TAF3: variants seen among roughly 807,000 people sequenced by gnomAD.
TAF3 encodes the protein transcription initiation factor TFIID subunit 3.
Under a neutral mutation model 80.6 loss-of-function variants are expected in TAF3, and 7 were observed. The observed-to-expected ratio is 0.09, with a 90% confidence interval of 0.05 to 0.16. The LOEUF is 0.16. TAF3 is among the 10% of genes least tolerant of loss of function. The pLI is 1.00. For missense variants in TAF3, 921 were observed against 1,140.2 expected (o/e 0.81, Z 2.77); for synonymous variants, 444 against 446.1 (o/e 1.00, Z 0.06).
In TAF3 at chr10:7,863,710, T is replaced by TATATATATACACATATATATATACAC. The variant is rs1329730256; in HGVS notation, c.409+39160_409+39185dup. On this transcript the variant is annotated intron_variant, in intron 2 of 6. Coordinates refer to ENST00000344293, the MANE Select transcript of TAF3 (RefSeq NM_031923.4). ...ACACACACATATATATATATACACA[T>TATATATATACACATATATATATACAC]ATATATATACACATATATATATACA... 6.6e-5 allele frequency among the ~76,000 whole-genome samples: 7 copies of TATATATATACACATATATATATACAC among 105,578 alleles called. 1 individual carries two copies. Among genetic ancestry groups the TATATATATACACATATATATATACAC allele is most frequent in the Admixed American group, 3.6e-4 (3 of 8,430 alleles). 69.3% of individuals were successfully genotyped at this position (105,578 alleles called of 152,430 possible).
rs147495664 is a variant in TAF3 at position 7,982,634 on chromosome 10, C to T, written c.2315+5311C>T. Among the ~76,000 whole-genome samples, 197 of 152,250 alleles carry T rather than the reference C, an allele frequency of 1.3e-3. 2 individuals carry two copies. In the East Asian group the frequency reaches 0.021, roughly 16 times the overall value. On this transcript the variant is annotated intron_variant, in intron 4 of 6. Coordinates refer to ENST00000344293, the MANE Select transcript of TAF3 (RefSeq NM_031923.4). ...AGACTGGTCTCAAACTCCTAACCTC[C>T]GGTGATCCACCTGCCTTGGCTTCCC...
chr10:7,856,261 A>G (rs993935140), intron 2 of TAF3, among the ~76,000 whole-genome samples: 1 of 152,184 alleles, frequency 6.6e-6, no homozygotes. Flanking sequence ...GGATCACTTG[A>G]GGTCAGGAGT....
intron 2 of TAF3, among the ~76,000 whole-genome samples, chr10:7,850,778 A>T (rs988785314): frequency 6.6e-6 from 1 of 152,188 alleles, no homozygotes; most frequent in Admixed American, 6.5e-5. Flanking sequence ...AATATTTAAG[A>T]GAGAAAAGTT....
At chr10:7,881,094 G>T (rs1837356744) in intron 2 of TAF3, among the ~76,000 whole-genome samples, 1 of 152,050 alleles carries the variant, frequency 6.6e-6, no homozygotes, top group Non-Finnish European at 1.5e-5. Flanking sequence ...AAATTAGCCA[G>T]GTGTGGTGGT....
intron 2 of TAF3, among the ~76,000 whole-genome samples, chr10:7,885,072 T>C (rs1255459513): frequency 6.6e-6 from 1 of 151,512 alleles, no homozygotes; most frequent in African/African-American, 2.4e-5. Context: ...GGGCTGAGGG[T>C]GGGGAATGGA....
intron 2 of TAF3, among the ~76,000 whole-genome samples, chr10:7,864,694 T>G (rs1366362766): frequency 6.6e-6 from 1 of 152,230 alleles, no homozygotes; most frequent in East Asian, 1.9e-4. Flanking sequence ...TTACCTATCC[T>G]GGTCATCAGT....
chr10:7,967,315 T>C (rs1196832128), intron 3 of TAF3, among the ~76,000 whole-genome samples: 1 of 152,218 alleles, frequency 6.6e-6, no homozygotes, highest in Non-Finnish European at 1.5e-5. Context: ...ATCTTCACTT[T>C]GGAAAGTCAG....
At chr10:7,819,180 T>C (rs1836663975) in intron 1 of TAF3, among the ~76,000 whole-genome samples, 1 of 152,112 alleles carries the variant, frequency 6.6e-6, no homozygotes, top group Admixed American at 6.5e-5. Context: ...CATTGTCTCC[T>C]GTTTGCTGCG....
At chr10:7,967,310 C>G (rs1342529605) in intron 3 of TAF3, among the ~76,000 whole-genome samples, 1 of 152,230 alleles carries the variant, frequency 6.6e-6, no homozygotes, top group Non-Finnish European at 1.5e-5. Context: ...CCACCATCTT[C>G]ACTTTGGAAA....
chr10:7,822,805 A>C (rs1836702942), intron 1 of TAF3, among the ~76,000 whole-genome samples: 1 of 152,268 alleles, frequency 6.6e-6, no homozygotes, highest in Non-Finnish European at 1.5e-5. Context: ...GAATTTTCAT[A>C]GACATTTTTA....
chr10:7,888,562 T>C (rs1017563180), intron 2 of TAF3, among the ~76,000 whole-genome samples: 3 of 152,054 alleles, frequency 2.0e-5, no homozygotes, highest in African/African-American at 7.2e-5. Flanking sequence ...CATTCACTCA[T>C]TGGTTTGCTT....
intron 4 of TAF3, among the ~76,000 whole-genome samples, chr10:7,983,861 A>AATAAATAC (rs1460104899): frequency 6.6e-6 from 1 of 152,106 alleles, no homozygotes; most frequent in East Asian, 1.9e-4. Flanking sequence ...TAAATAAATA[A>AATAAATAC]ATAAATAAAT....
intron 2 of TAF3, among the ~76,000 whole-genome samples, chr10:7,834,996 T>G (rs1836837609): frequency 6.6e-6 from 1 of 152,234 alleles, no homozygotes; most frequent in Non-Finnish European, 1.5e-5. Context: ...TATAGGTTCA[T>G]CAGTTTTTTC....
intron 2 of TAF3, among the ~76,000 whole-genome samples, chr10:7,873,681 G>A (rs990833785): frequency 2.1e-5 from 3 of 144,808 alleles, no homozygotes; most frequent in Non-Finnish European, 4.5e-5. Context: ...CTTGTCCTTA[G>A]GGTACGTCAT....
chr10:7,870,564 T>C (rs1316721085), intron 2 of TAF3, among the ~76,000 whole-genome samples: 2 of 152,232 alleles, frequency 1.3e-5, no homozygotes, highest in Non-Finnish European at 2.9e-5. Context: ...TTGGAAACTG[T>C]AACTGTTAGT....
intron 2 of TAF3, among the ~76,000 whole-genome samples, chr10:7,949,397 T>C (rs979824786): frequency 6.6e-6 from 1 of 152,214 alleles, no homozygotes; most frequent in African/African-American, 2.4e-5. Context: ...CCTGGGTGTC[T>C]TATATATAAG....
At chr10:7,967,308 T>G (rs983102146) in intron 3 of TAF3, among the ~76,000 whole-genome samples, 2 of 152,234 alleles carry the variant, frequency 1.3e-5, no homozygotes, top group Non-Finnish European at 2.9e-5. Context: ...CACCACCATC[T>G]TCACTTTGGA....
intron 2 of TAF3, among the ~76,000 whole-genome samples, chr10:7,886,786 A>G (rs1459483686): frequency 6.6e-6 from 1 of 152,248 alleles, no homozygotes; most frequent in African/African-American, 2.4e-5. Context: ...GTATTTCTGT[A>G]CTTGTGTAAG....
intron 2 of TAF3, among the ~76,000 whole-genome samples, chr10:7,947,948 A>G (rs1266658771): frequency 2.0e-5 from 3 of 152,342 alleles, no homozygotes; most frequent in Non-Finnish European, 2.9e-5. Flanking sequence ...TACAGACAGG[A>G]AATGACGTTC....
Sources: allele counts gnomAD v4.1 joint callset (sites outside exome capture counted in the v4.1 genomes callset), GRCh38; gene constraint gnomAD v4.1.1; transcripts MANE v1.5; gene names NCBI Gene and HGNC (gene_info 2026-07-23, HGNC 2026-07-21).